The following MALRD1 variants were observed in gnomAD, a reference collection of about 807,000 sequenced individuals.
MALRD1 encodes MAM and LDL-receptor class A domain-containing protein 1.
Under a neutral mutation model 242.1 loss-of-function variants are expected in MALRD1, and 247 were observed. That is an observed-to-expected ratio of 1.02 (90% confidence interval 0.92 to 1.13). The LOEUF (loss-of-function observed/expected upper bound fraction) is 1.13. MALRD1 is among the 50% of genes most tolerant of loss of function. The pLI is 0.00. For missense variants in MALRD1, 2,989 were observed against 2,533.1 expected (o/e 1.18, Z -3.86); for synonymous variants, 995 against 866.6 (o/e 1.15, Z -2.60).
chr10:19,217,022 C>G (rs187072980), intron 18 of MALRD1, among the ~76,000 whole-genome samples: 1 of 151,860 alleles, frequency 6.6e-6, no homozygotes, highest in Non-Finnish European at 1.5e-5. Context: ...CTTATATACA[C>G]GTTCTTTCTT....
chr10:19,372,654 G>C (rs1363784168), intron 26 of MALRD1, among the ~76,000 whole-genome samples: 1 of 151,794 alleles, frequency 6.6e-6, no homozygotes, highest in Non-Finnish European at 1.5e-5. Flanking sequence ...TTTTAGTAGA[G>C]ATGGGGTTTC....
At chr10:19,166,971 C>A (rs1009223761) in intron 13 of MALRD1, among the ~76,000 whole-genome samples, 1 of 152,054 alleles carries the variant, frequency 6.6e-6, no homozygotes, top group Non-Finnish European at 1.5e-5. Context: ...TGTGTGAAAA[C>A]CAGTGATGAT....
chr10:19,249,661 A>C (rs1338040617), intron 18 of MALRD1, among the ~76,000 whole-genome samples: 1 of 152,000 alleles, frequency 6.6e-6, no homozygotes, highest in Non-Finnish European at 1.5e-5. Flanking sequence ...TACTTATATG[A>C]TTCTAAACAA....
intron 5 of MALRD1, among the ~76,000 whole-genome samples, chr10:19,120,196 A>T (rs1469169746): frequency 6.6e-6 from 1 of 152,170 alleles, no homozygotes; most frequent in Non-Finnish European, 1.5e-5. Flanking sequence ...TGTTGAGCAG[A>T]TGAGGGAAAA....
At chr10:19,258,160 A>G (rs1839601179) in intron 19 of MALRD1, among the ~76,000 whole-genome samples, 1 of 152,072 alleles carries the variant, frequency 6.6e-6, no homozygotes, top group Non-Finnish European at 1.5e-5. Flanking sequence ...ATTTCTAACA[A>G]TTGTTGTCAA....
chr10:19,517,738 G>A (rs6481961), intron 31 of MALRD1, among the ~76,000 whole-genome samples: 105,481 of 151,796 alleles, frequency 0.69, 37,368 homozygotes, highest in African/African-American at 0.84. Flanking sequence ...GTAATTGTTC[G>A]AATAAAATCA....
intron 28 of MALRD1, among the ~76,000 whole-genome samples, chr10:19,392,277 T>A (rs1182622601): frequency 6.6e-6 from 1 of 152,114 alleles, no homozygotes; most frequent in African/African-American, 2.4e-5. Flanking sequence ...TATAGCTAAA[T>A]ACCCAGTCAG....
At chr10:19,364,874 T>C (rs1845043165) in intron 26 of MALRD1, among the ~76,000 whole-genome samples, 1 of 152,128 alleles carries the variant, frequency 6.6e-6, no homozygotes, top group African/African-American at 2.4e-5. Context: ...CTTAATTCAA[T>C]TGAGGATTCT....
intron 21 of MALRD1, among the ~76,000 whole-genome samples, chr10:19,306,830 C>T (rs957533689): frequency 1.3e-5 from 2 of 151,152 alleles, no homozygotes; most frequent in African/African-American, 4.9e-5. Context: ...GGGAAATGCC[C>T]CTTATAAAGC....
intron 28 of MALRD1, among the ~76,000 whole-genome samples, chr10:19,400,269 C>G (rs140661806): frequency 1.4e-3 from 212 of 152,224 alleles, no homozygotes; most frequent in African/African-American, 4.9e-3. Context: ...TGAAGTCGTC[C>G]TTTTCCTGAA....
chr10:19,146,365 A>G, intron 11 of MALRD1, 21 bp downstream of exon 11: 3 of 1,228,358 alleles, frequency 2.4e-6, no homozygotes, highest in Non-Finnish European at 3.0e-6. Flanking sequence ...TTCCTCTTTA[A>G]AAAAAAATAG....
At chr10:19,304,410 G>C (rs1842083626) in intron 21 of MALRD1, among the ~76,000 whole-genome samples, 1 of 151,048 alleles carries the variant, frequency 6.6e-6, no homozygotes, top group Non-Finnish European at 1.5e-5. Context: ...ATATCCTATT[G>C]TTACTGTTTC....
chr10:19,450,177 C>G, intron 28 of MALRD1, 130 bp from the exon 29 acceptor site: 1 of 767,010 alleles, frequency 1.3e-6, no homozygotes, highest in Non-Finnish European at 2.0e-6. Flanking sequence ...TTCACAGATT[C>G]AGTGCTTCTT....
intron 34 of MALRD1, among the ~76,000 whole-genome samples, chr10:19,597,164 T>A (rs1170913870): frequency 6.6e-6 from 1 of 152,196 alleles, no homozygotes; most frequent in African/African-American, 2.4e-5. Flanking sequence ...TAATCTTTTC[T>A]TAGAAACAAG....
intron 28 of MALRD1, among the ~76,000 whole-genome samples, chr10:19,441,074 T>G (rs977204810): frequency 6.6e-6 from 1 of 152,204 alleles, no homozygotes; most frequent in Non-Finnish European, 1.5e-5. Flanking sequence ...TGGTTTTGAT[T>G]TGCATTTCTC....
At chr10:19,671,027 C>T (rs1196837395) in intron 36 of MALRD1, among the ~76,000 whole-genome samples, 6 of 152,034 alleles carry the variant, frequency 3.9e-5, no homozygotes, top group East Asian at 1.9e-4. Context: ...TACAGGCACC[C>T]GCCACCACGC....
At chr10:19,415,587 T>C (rs1400434282) in intron 28 of MALRD1, among the ~76,000 whole-genome samples, 3 of 152,158 alleles carry the variant, frequency 2.0e-5, no homozygotes, top group Non-Finnish European at 4.4e-5. Flanking sequence ...AAATAAGATA[T>C]ATTCAAATTA....
At chr10:19,524,756 A>G (rs1834026937) in intron 31 of MALRD1, among the ~76,000 whole-genome samples, 1 of 152,160 alleles carries the variant, frequency 6.6e-6, no homozygotes, top group South Asian at 2.1e-4. Context: ...CTGAGTCTTA[A>G]TTTAAAGCAG....
At chr10:19,305,017 TTC>T (rs1842103811) in intron 21 of MALRD1, among the ~76,000 whole-genome samples, 2 of 151,742 alleles carry the variant, frequency 1.3e-5, no homozygotes, top group Non-Finnish European at 2.9e-5. Context: ...TGCCTTCTGC[TTC>T]TTTCAGTGGT....
Sources: gnomAD v4.1 joint callset for allele counts (sites outside exome capture counted in the v4.1 genomes callset) on GRCh38, gnomAD v4.1.1 for gene constraint, MANE v1.5 for transcripts, NCBI Gene and HGNC (gene_info 2026-07-23, HGNC 2026-07-21) for gene names.